The following MALRD1 variants were observed in gnomAD, a reference collection of about 807,000 sequenced individuals.
MALRD1 encodes the protein MAM and LDL receptor class A domain containing 1, also known as MAM and LDL-receptor class A domain-containing protein 1.
A neutral mutation model predicts 242.1 loss-of-function variants in MALRD1; 247 were observed. That is an observed-to-expected ratio of 1.02 (90% CI 0.92 to 1.13). The LOEUF is 1.13. Among genes scored for constraint, MALRD1 ranks in the 50% most tolerant of loss-of-function variants. The pLI, the probability that MALRD1 is intolerant of heterozygous loss-of-function variation, is 0.00. For synonymous variants in MALRD1, 995 were observed against 866.6 expected, an observed-to-expected ratio of 1.15 and a Z score of -2.60; for missense variants, 2,989 against 2,533.1, an observed-to-expected ratio of 1.18 and a Z score of -3.86.
At chr10:19,156,104 A>G (rs1166292702) in intron 12 of MALRD1, among the ~76,000 whole-genome samples, 1 of 152,114 alleles carries the variant, frequency 6.6e-6, no homozygotes, top group African/African-American at 2.4e-5. Context: ...CACACAGTAA[A>G]TTCATTGCCT....
chr10:19,098,863 G>T (rs1037999862), intron 4 of MALRD1, among the ~76,000 whole-genome samples: 1 of 152,082 alleles, frequency 6.6e-6, no homozygotes, highest in African/African-American at 2.4e-5. Context: ...AATGCAGGGG[G>T]TTTTATAGAT....
chr10:19,237,850 T>C (rs1282586507), intron 18 of MALRD1, among the ~76,000 whole-genome samples: 2 of 126,758 alleles, frequency 1.6e-5, no homozygotes, highest in African/African-American at 6.3e-5. Context: ...TATAATTATA[T>C]AGTTATATAT....
rs1163939354 is a variant in MALRD1 at position 19,283,003 on chromosome 10, T to C, written c.3257-16T>C. 3.3e-6 allele frequency: 5 copies of C among 1,530,988 alleles called. No individual in the cohort carries two copies. The African/African-American group carries it at 4.1e-5, about 13-fold the overall frequency. The allele number at this position is 1,530,988 out of a possible 1,614,324, so 94.8% of individuals were successfully genotyped here. On this transcript the variant is annotated splice_polypyrimidine_tract_variant and intron_variant, in intron 20 of 39. Transcript: ENST00000454679. ...CACTTACTAGCTCACCTTTTCTTTG[T>C]TCTACCCCATCCAAGTTATGGAAGT...
rs1382861036 is a variant in MALRD1, at chr10:19,280,132, T to C, written c.3165T>C (p.Phe1055=). Residue 1055 remains phenylalanine (F), a synonymous_variant, in exon 20 of 40, where the codon TTT becomes TTC. Transcript: ENST00000454679. ...CACACAACTGCACAGACAATGAATT[T>C]ATCTGCAGGTCTGATGGTCACTGCA... The part of the protein sequence containing the change: ...LPPHNCTDNE[F]ICRSDGHCIE... 1.3e-6 allele frequency: 2 copies of C among 1,546,156 alleles called. No individual in the cohort carries two copies. Among genetic ancestry groups the C allele is most frequent in the Non-Finnish European group, 1.7e-6 (2 of 1,145,398 alleles).
chr10:19,234,656 C>T (rs189382122), intron 18 of MALRD1, among the ~76,000 whole-genome samples: 1 of 151,918 alleles, frequency 6.6e-6, no homozygotes, highest in Non-Finnish European at 1.5e-5. Context: ...TAATTCATGT[C>T]TATTGGTATA....
At chr10:19,576,003 A>ACAGAATTG (rs1836803738) in intron 33 of MALRD1, among the ~76,000 whole-genome samples, 2 of 152,354 alleles carry the variant, frequency 1.3e-5, no homozygotes, top group South Asian at 4.1e-4. Context: ...ATTGCAAGCA[A>ACAGAATTG]CAGAATTGCA....
chr10:19,088,001 TG>T, intron 3 of MALRD1, 22 bp from the exon 4 acceptor site: 2 of 1,233,348 alleles, frequency 1.6e-6, no homozygotes, highest in Non-Finnish European at 2.0e-6. Flanking sequence ...CATAATTGTT[TG>T]GGTACTAATT....
intron 2 of MALRD1, among the ~76,000 whole-genome samples, chr10:19,082,739 A>G (rs1835534104): frequency 6.6e-6 from 1 of 151,700 alleles, no homozygotes; most frequent in East Asian, 1.9e-4. Context: ...ACTCCCACAC[A>G]TTTGCTTCTG....
chr10:19,615,915 T>TA lies in MALRD1; in HGVS notation c.6130dup (p.Met2044AsnfsTer5). The TA allele has an allele frequency of 2.0e-6, 3 of 1,528,374 alleles. No individual in the cohort carries two copies. Among genetic ancestry groups the TA allele is most frequent in the Non-Finnish European group, 2.6e-6 (3 of 1,143,240 alleles). The allele number at this position is 1,528,374 out of a possible 1,614,324, so 94.7% of individuals were successfully genotyped here. ...CTTGTGTAGTGGAGAAAAATGGTCC[T>TA]ATGTGTCGGTAAGAAGCATTGTTTA... On this transcript the variant is annotated frameshift_variant, in exon 36 of 40. Transcript: ENST00000454679. LOFTEE classifies it high-confidence loss of function.
chr10:19,148,880 G>C (rs866233877), intron 11 of MALRD1, among the ~76,000 whole-genome samples: 1 of 149,496 alleles, frequency 6.7e-6, no homozygotes, highest in Non-Finnish European at 1.5e-5. Context: ...ATCAGTAGTG[G>C]TTTTAAATTG....
intron 36 of MALRD1, among the ~76,000 whole-genome samples, chr10:19,678,896 A>G (rs1381693799): frequency 6.6e-6 from 1 of 152,142 alleles, no homozygotes; most frequent in Non-Finnish European, 1.5e-5. Flanking sequence ...TTCTGCATCT[A>G]TTGAGACAAT....
At chr10:19,191,381 G>A (rs1835968527) in intron 14 of MALRD1, among the ~76,000 whole-genome samples, 1 of 152,182 alleles carries the variant, frequency 6.6e-6, no homozygotes. Flanking sequence ...CAGAACTCTT[G>A]TGCACTGTTA....
chr10:19,252,521 A>G (rs1839337873), intron 18 of MALRD1, among the ~76,000 whole-genome samples: 1 of 152,060 alleles, frequency 6.6e-6, no homozygotes. Flanking sequence ...ATCAACATAA[A>G]TTTTGTTATG....
chr10:19,365,688 A>AAAAAAAC (rs146161301), intron 26 of MALRD1, among the ~76,000 whole-genome samples: 1 of 142,310 alleles, frequency 7.0e-6, no homozygotes, highest in African/African-American at 2.6e-5. Flanking sequence ...AAAAAAAAAA[A>AAAAAAAC]CAAGCTACTA....
chr10:19,176,365 G>GC (rs1554804418), intron 14 of MALRD1, among the ~76,000 whole-genome samples: 1 of 97,182 alleles, frequency 1.0e-5, no homozygotes, highest in African/African-American at 3.9e-5. Context: ...ATTTCTGGGT[G>GC]CTTTTTTTTT....
At chr10:19,278,466 CATCCATCCATCCATCCATCT>C (rs1415693914) in intron 19 of MALRD1, among the ~76,000 whole-genome samples, 4 of 151,926 alleles carry the variant, frequency 2.6e-5, no homozygotes, top group African/African-American at 9.7e-5. Context: ...TCCATCCATC[CATCCATCCATCCATCCATCT>C]ATCCATCCAT....
chr10:19,539,852 T>TTGTGTGTGTGTGTG, intron 32 of MALRD1, among the ~76,000 whole-genome samples: 1 of 64,370 alleles, frequency 1.6e-5, no homozygotes, highest in African/African-American at 5.1e-5. Context: ...ACACCCAGCT[T>TTGTGTGTGTGTGTG]TGTGCGTGTG....
At position 19,734,351 on chromosome 10, in the gene MALRD1, C is replaced by A. The variant is rs530638747; in HGVS notation, c.*114C>A. The A allele has an allele frequency of 8.4e-6, 7 of 830,672 alleles. No homozygotes were observed. The highest frequency in any genetic ancestry group is 1.1e-5 in the Non-Finnish European group (6 of 545,154). 51.5% of individuals were successfully genotyped at this position (830,672 alleles called of 1,614,324 possible). ...GTAAAAAGAGAAAGGATTGTAAATG[C>A]CAGTGTAATTATAACATTTATGAAT... On this transcript the variant is annotated 3_prime_UTR_variant, in exon 40 of 40. Transcript: ENST00000454679.
chr10:19,518,038 C>A (rs1002614676), intron 31 of MALRD1, among the ~76,000 whole-genome samples: 37 of 152,188 alleles, frequency 2.4e-4, no homozygotes, highest in African/African-American at 8.9e-4. Flanking sequence ...GAGCCAAACA[C>A]AGAAGCACTT....
Sources: gnomAD v4.1 joint callset for allele counts (sites outside exome capture counted in the v4.1 genomes callset) on GRCh38, gnomAD v4.1.1 for gene constraint, MANE v1.5 for transcripts, NCBI Gene and HGNC (gene_info 2026-07-23, HGNC 2026-07-21) for gene names.